The following TMEFF2 variants were observed in gnomAD, a reference collection of about 807,000 sequenced individuals.
TMEFF2 encodes tomoregulin-2.
In TMEFF2, 28 loss-of-function variants were observed where a neutral mutation model predicts 53.8. The ratio of observed to expected loss-of-function variants is 0.52; its 90% CI spans 0.39 to 0.71. The LOEUF (loss-of-function observed/expected upper bound fraction) is 0.71. TMEFF2 is among the 30% of genes least tolerant of loss of function. TMEFF2 has a pLI of 0.00. For synonymous variants in TMEFF2, 162 were observed against 166.3 expected, an observed-to-expected ratio of 0.97 and a Z score of 0.20; for missense variants, 353 against 455.2, an observed-to-expected ratio of 0.78 and a Z score of 2.04.
intron 5 of TMEFF2, chr2:192,030,296 T>C (rs1289772028): frequency 6.6e-6 from 1 of 152,204 alleles, no homozygotes; most frequent in African/African-American, 2.4e-5. Context: ...GGAAAGCATG[T>C]TGATTGGTGT....
intron 4 of TMEFF2, among the ~76,000 whole-genome samples, chr2:192,059,174 TAGTC>T (rs1687985751): frequency 6.6e-6 from 1 of 151,962 alleles, no homozygotes; most frequent in Non-Finnish European, 1.5e-5. Flanking sequence ...CTGTGCTTGA[TAGTC>T]AACGCTTACA....
chr2:192,153,069 T>C (rs879783210), intron 4 of TMEFF2, among the ~76,000 whole-genome samples: 1 of 151,406 alleles, frequency 6.6e-6, no homozygotes, highest in Non-Finnish European at 1.5e-5. Flanking sequence ...ACAGAGCCTA[T>C]ATTTAAATAT....
intron 7 of TMEFF2, among the ~76,000 whole-genome samples, chr2:191,990,763 GGTGTGTGT>G (rs34545329): frequency 1.0e-4 from 14 of 134,704 alleles, no homozygotes; most frequent in South Asian, 2.5e-4. Context: ...CTCTTTGCGG[GGTGTGTGT>G]GTGTGTGTGT....
intron 7 of TMEFF2, among the ~76,000 whole-genome samples, chr2:191,961,389 A>C (rs192625093): frequency 1.3e-5 from 2 of 152,204 alleles, no homozygotes; most frequent in East Asian, 3.9e-4. Context: ...AAAAACAAAA[A>C]TTTTCAGTTT....
intron 5 of TMEFF2, among the ~76,000 whole-genome samples, chr2:192,011,291 C>T (rs1029373212): frequency 5.3e-5 from 8 of 152,174 alleles, no homozygotes; most frequent in African/African-American, 1.9e-4. Context: ...CAGGAATCCT[C>T]ATTAATCCAT....
intron 4 of TMEFF2, among the ~76,000 whole-genome samples, chr2:192,119,995 C>G (rs545636850): frequency 6.6e-6 from 1 of 152,206 alleles, no homozygotes; most frequent in East Asian, 1.9e-4. Flanking sequence ...TTAAACTGCT[C>G]TCTAGTAAAT....
intron 4 of TMEFF2, among the ~76,000 whole-genome samples, chr2:192,134,233 C>A (rs1445135164): frequency 6.6e-6 from 1 of 152,238 alleles, no homozygotes; most frequent in African/African-American, 2.4e-5. Flanking sequence ...TTAAGTCCCA[C>A]AATTACCATT....
chr2:192,093,290 G>A (rs1266477323), intron 4 of TMEFF2, among the ~76,000 whole-genome samples: 1 of 152,148 alleles, frequency 6.6e-6, no homozygotes, highest in Non-Finnish European at 1.5e-5. Context: ...AGATAGTGAT[G>A]TTTTAGTGCT....
chr2:192,190,514 C>G (rs913838847), intron 2 of TMEFF2, among the ~76,000 whole-genome samples: 6 of 152,118 alleles, frequency 3.9e-5, no homozygotes, highest in African/African-American at 1.4e-4. Context: ...CATAATGGCA[C>G]TGTTTAATGT....
At chr2:192,109,112 C>T (rs1212021152) in intron 4 of TMEFF2, among the ~76,000 whole-genome samples, 2 of 152,024 alleles carry the variant, frequency 1.3e-5, no homozygotes, top group Non-Finnish European at 2.9e-5. Flanking sequence ...CTGCACAATA[C>T]TGTGTACGTA....
intron 5 of TMEFF2, among the ~76,000 whole-genome samples, chr2:192,054,989 TGGAGCTATA>T (rs1687867269): frequency 6.5e-5 from 1 of 15,302 alleles, no homozygotes; most frequent in Non-Finnish European, 5.9e-4. Flanking sequence ...TCTTGGAGAA[TGGAGCTATA>T]CCACTTAAAG....
intron 4 of TMEFF2, chr2:192,177,007 A>G (rs1691061426): frequency 6.6e-6 from 1 of 151,180 alleles, no homozygotes; most frequent in Non-Finnish European, 1.5e-5. Context: ...TTTTGTTAAA[A>G]TAAGAAATTA....
Position 192,191,914 on chromosome 2 carries a change from A to G in TMEFF2, c.248T>C (p.Ile83Thr), listed in dbSNP as rs929029288. 7 of 1,613,460 alleles carry G rather than the reference A, an allele frequency of 4.3e-6. No homozygotes were observed. The highest frequency in any genetic ancestry group is 5.9e-6 in the Non-Finnish European group (7 of 1,179,608). Residue 83 changes from isoleucine (I) to threonine (T), a missense_variant, in exon 2 of 10, where the codon ATT (isoleucine) becomes ACT (threonine). Around this residue, in one of 3 missense-constraint regions of TMEFF2, gnomAD observed 294 missense variants for 397.3 expected, o/e 0.74. Coordinates refer to ENST00000272771, the MANE Select transcript of TMEFF2 (RefSeq NM_016192.4). Reference sequence around the variant, plus strand: ...ACAGACGCAAGTCACAGTGTCTCCAATTCTTAAACATTCCCCATCAAATTT... The same window carrying G: ...ACAGACGCAAGTCACAGTGTCTCCAGTTCTTAAACATTCCCCATCAAATTT... ...TCKFDGECLR[I>T]GDTVTCVCQF...
At chr2:191,969,473 G>A (rs1393503619) in intron 7 of TMEFF2, among the ~76,000 whole-genome samples, 1 of 152,068 alleles carries the variant, frequency 6.6e-6, no homozygotes, top group Admixed American at 6.6e-5. Context: ...AGGTGCATAG[G>A]TAAGAGCCAT....
rs373109521 is a variant in TMEFF2 at position 191,973,124 on chromosome 2, G to A, written c.746-16746C>T. Among the ~76,000 whole-genome samples the A allele has an allele frequency of 9.2e-5, 14 of 152,230 alleles. 1 individual carries two copies. The East Asian group carries it at 2.7e-3, about 29-fold the overall frequency. Reference sequence around the variant, plus strand: ...AAGTGAAAGGAAAAAATTAGACTATGCAGAAACATCAGTGAGAAATGCTTT... The same window carrying A: ...AAGTGAAAGGAAAAAATTAGACTATACAGAAACATCAGTGAGAAATGCTTT... On this transcript the variant is annotated intron_variant, in intron 7 of 9. Transcript: ENST00000272771.
chr2:192,010,298 G>A (rs1686596038), intron 5 of TMEFF2, among the ~76,000 whole-genome samples: 1 of 152,152 alleles, frequency 6.6e-6, no homozygotes, highest in African/African-American at 2.4e-5. Context: ...AGAGGACTGT[G>A]TGGTCAGAAA....
At chr2:191,965,729 G>T (rs1224272198) in intron 7 of TMEFF2, among the ~76,000 whole-genome samples, 1 of 151,982 alleles carries the variant, frequency 6.6e-6, no homozygotes, top group African/African-American at 2.4e-5. Context: ...TATTCCCTTT[G>T]CCTGGAATGC....
intron 4 of TMEFF2, among the ~76,000 whole-genome samples, chr2:192,080,855 TCAAA>T (rs1688535566): frequency 6.6e-6 from 1 of 151,758 alleles, no homozygotes. Flanking sequence ...AAATATTTGA[TCAAA>T]CATTTTGATC....
At chr2:192,082,090 G>A (rs1434173895) in intron 4 of TMEFF2, among the ~76,000 whole-genome samples, 3 of 152,088 alleles carry the variant, frequency 2.0e-5, no homozygotes, top group Non-Finnish European at 2.9e-5. Flanking sequence ...GTGAGCCACC[G>A]TGCCCGGCCT....
Sources: allele counts gnomAD v4.1 joint callset (sites outside exome capture counted in the v4.1 genomes callset), GRCh38; gene constraint gnomAD v4.1.1; regional missense constraint gnomAD v4.1.1; transcripts MANE v1.5; gene names NCBI Gene and HGNC (gene_info 2026-07-23, HGNC 2026-07-21).